The following MGAT5 variants were observed in gnomAD, a reference collection of about 807,000 sequenced individuals.
MGAT5 encodes alpha-1,6-mannosylglycoprotein 6-beta-N-acetylglucosaminyltransferase A.
MGAT5 carries 30 observed loss-of-function variants against 94.3 expected under a neutral mutation model. That is an observed-to-expected ratio of 0.32 (90% CI 0.24 to 0.43). The LOEUF is 0.43. Among genes scored for constraint, MGAT5 ranks in the 20% least tolerant of loss-of-function variants. The pLI is 1.00. For synonymous variants in MGAT5, 310 were observed against 322.9 expected, an observed-to-expected ratio of 0.96 and a Z score of 0.43; for missense variants, 691 against 905.5, an observed-to-expected ratio of 0.76 and a Z score of 3.04.
Position 134,453,296 on chromosome 2 carries a change from A to G in MGAT5, c.*4449A>G, listed in dbSNP as rs896404640. ...TGTATTCTTGAATGCACTGGTTTGAAAATATGCCAGACTTCAGCCCCCAAG... is the reference window on the plus strand; with the variant it reads ...TGTATTCTTGAATGCACTGGTTTGAGAATATGCCAGACTTCAGCCCCCAAG... On this transcript the variant is annotated 3_prime_UTR_variant, in exon 16 of 16. Coordinates refer to ENST00000281923, the MANE Select transcript of MGAT5 (RefSeq NM_002410.5). The G allele has an allele frequency of 1.3e-5, 2 of 152,188 alleles. No homozygotes were observed. Among genetic ancestry groups the G allele is most frequent in the African/African-American group, 4.8e-5 (2 of 41,438 alleles). 9.4% of individuals were successfully genotyped at this position (152,188 alleles called of 1,614,324 possible). A position where few individuals can be genotyped will look rare whatever the true frequency, so the allele number is the denominator to read the frequency against.
At chr2:134,230,992 T>C (rs1271762680) in intron 1 of MGAT5, among the ~76,000 whole-genome samples, 2 of 152,200 alleles carry the variant, frequency 1.3e-5, no homozygotes, top group African/African-American at 2.4e-5. Context: ...GCTACAACAT[T>C]GGACCTTGTG....
At chr2:134,428,580 T>G in intron 14 of MGAT5, 141 bp downstream of exon 14, 1 of 694,202 alleles carries the variant, frequency 1.4e-6, no homozygotes, top group South Asian at 1.8e-5. Flanking sequence ...TGGATAATAG[T>G]AGCACTGTCA....
At chr2:134,314,400 T>A (rs1334905046) in intron 2 of MGAT5, among the ~76,000 whole-genome samples, 1 of 152,192 alleles carries the variant, frequency 6.6e-6, no homozygotes, top group Non-Finnish European at 1.5e-5. Context: ...CTGCTCAGTC[T>A]AGTTCTCCCT....
intron 14 of MGAT5, among the ~76,000 whole-genome samples, chr2:134,430,591 T>C (rs1684825952): frequency 2.0e-5 from 3 of 152,214 alleles, no homozygotes; most frequent in African/African-American, 7.2e-5. Context: ...GAAGCTCATC[T>C]TGGACTTCAT....
At chr2:134,224,366 C>T (rs557880579) in intron 1 of MGAT5, among the ~76,000 whole-genome samples, 1 of 152,238 alleles carries the variant, frequency 6.6e-6, no homozygotes, top group African/African-American at 2.4e-5. Context: ...TTCTGGAAGA[C>T]AGGGAGGGAG....
intron 1 of MGAT5, among the ~76,000 whole-genome samples, chr2:134,232,157 TTAAG>T (rs1304733818): frequency 2.0e-5 from 3 of 152,206 alleles, no homozygotes; most frequent in Admixed American, 6.5e-5. Flanking sequence ...ATTTGACCTC[TTAAG>T]TATTTCTAGC....
chr2:134,423,956 C>T (rs1417595778), intron 13 of MGAT5, among the ~76,000 whole-genome samples: 1 of 152,070 alleles, frequency 6.6e-6, no homozygotes, highest in Non-Finnish European at 1.5e-5. Flanking sequence ...AGGGATTTAC[C>T]CAATGGATAG....
chr2:134,216,120 G>A (rs1452648732), intron 1 of MGAT5, among the ~76,000 whole-genome samples: 1 of 152,172 alleles, frequency 6.6e-6, no homozygotes, highest in African/African-American at 2.4e-5. Flanking sequence ...TAAAGTCGGT[G>A]TCTTGTACTG....
intron 9 of MGAT5, among the ~76,000 whole-genome samples, chr2:134,361,396 C>G (rs990497746): frequency 6.6e-6 from 1 of 152,230 alleles, no homozygotes; most frequent in Non-Finnish European, 1.5e-5. Flanking sequence ...GGAGATTTCT[C>G]TTGACAGAAT....
chr2:134,366,884 C>A (rs545113207), intron 10 of MGAT5, among the ~76,000 whole-genome samples: 113 of 152,316 alleles, frequency 7.4e-4, no homozygotes, highest in Non-Finnish European at 1.4e-3. Context: ...CTGCTTTTAT[C>A]AGACTGCTGC....
intron 1 of MGAT5, among the ~76,000 whole-genome samples, chr2:134,139,472 C>A (rs1035592087): frequency 1.6e-4 from 25 of 152,154 alleles, no homozygotes; most frequent in Middle Eastern, 3.2e-3. Flanking sequence ...CCCTCAAATA[C>A]ACTGCTTTGC....
intron 13 of MGAT5, among the ~76,000 whole-genome samples, chr2:134,424,072 T>A (rs67277545): frequency 0.13 from 19,748 of 152,228 alleles, 1,700 homozygotes; most frequent in East Asian, 0.31. Context: ...TGGGGAAGCC[T>A]TTCTGGAGAA....
chr2:134,382,046 T>C (rs1267534479), intron 10 of MGAT5, among the ~76,000 whole-genome samples: 1 of 152,198 alleles, frequency 6.6e-6, no homozygotes, highest in African/African-American at 2.4e-5. Flanking sequence ...AGCTTTGCTA[T>C]GGTTCTCAGC....
chr2:134,316,833 G>C (rs1451211615), intron 2 of MGAT5, among the ~76,000 whole-genome samples: 1 of 152,124 alleles, frequency 6.6e-6, no homozygotes, highest in East Asian at 1.9e-4. Flanking sequence ...ATGACCCTTA[G>C]CTTCTCAAAG....
At chr2:134,224,651 A>G (rs995364530) in intron 1 of MGAT5, among the ~76,000 whole-genome samples, 1 of 152,202 alleles carries the variant, frequency 6.6e-6, no homozygotes, top group African/African-American at 2.4e-5. Context: ...TAGGTCTCCA[A>G]AACTATGACA....
chr2:134,244,270 G>A (rs1682117749), intron 1 of MGAT5, among the ~76,000 whole-genome samples: 1 of 151,532 alleles, frequency 6.6e-6, no homozygotes, highest in South Asian at 2.1e-4. Flanking sequence ...ATGGTTTCCT[G>A]GGCCGGATGC....
At chr2:134,127,721 A>T (rs935129590) in intron 1 of MGAT5, among the ~76,000 whole-genome samples, 1 of 151,760 alleles carries the variant, frequency 6.6e-6, no homozygotes, top group Non-Finnish European at 1.5e-5. Flanking sequence ...ATGTGGGCCG[A>T]TTCTGTGGTT....
Position 134,240,227 on chromosome 2 carries a change from C to T in MGAT5, c.-142-14035C>T, listed in dbSNP as rs17764307. Among the ~76,000 whole-genome samples, 459 of 152,264 alleles carry T rather than the reference C, an allele frequency of 3.0e-3. 3 individuals are homozygous for T. The highest frequency in any genetic ancestry group is 5.6e-3 in the South Asian group (27 of 4,826). ...CATTCTTTGAAGATCTCTTGTAAGACATGTGGTCCAGGGTCAGGCCAGGCC... is the reference window on the plus strand; with the variant it reads ...CATTCTTTGAAGATCTCTTGTAAGATATGTGGTCCAGGGTCAGGCCAGGCC... On this transcript the variant is annotated intron_variant, in intron 1 of 16. Coordinates refer to the MGAT5 transcript ENST00000409645.
At chr2:134,318,256 G>A (rs1267443331) in intron 3 of MGAT5, among the ~76,000 whole-genome samples, 1 of 152,086 alleles carries the variant, frequency 6.6e-6, no homozygotes, top group East Asian at 1.9e-4. Flanking sequence ...CCTCCTTCAC[G>A]CACTGTATTT....
Sources: gnomAD v4.1 joint callset for allele counts (sites outside exome capture counted in the v4.1 genomes callset) on GRCh38, gnomAD v4.1.1 for gene constraint, MANE v1.5 for transcripts, NCBI Gene and HGNC (gene_info 2026-07-23, HGNC 2026-07-21) for gene names.